Variants in AGBL4 observed in about 807,000 individuals in gnomAD.
AGBL4 encodes the protein cytosolic carboxypeptidase 6.
AGBL4 carries 58 observed loss-of-function variants against 66.4 expected under a neutral mutation model. The ratio of observed to expected loss-of-function variants is 0.87; its 90% CI spans 0.71 to 1.09. AGBL4 has a LOEUF of 1.09. Among genes scored for constraint, AGBL4 ranks in the 50% least tolerant of loss-of-function variants. AGBL4 has a pLI of 0.00. For missense variants in AGBL4, 579 were observed against 631.0 expected, an observed-to-expected ratio of 0.92 and a Z score of 0.88; for synonymous variants, 234 against 222.9, an observed-to-expected ratio of 1.05 and a Z score of -0.44.
chr1:49,494,754 T>C (rs1376681703), intron 3 of AGBL4, among the ~76,000 whole-genome samples: 9 of 152,070 alleles, frequency 5.9e-5, no homozygotes, highest in Non-Finnish European at 1.2e-4. Flanking sequence ...TGTGTCTTTA[T>C]AGCAGCATGA....
At chr1:48,902,996 T>C (rs1288080509) in intron 5 of AGBL4, among the ~76,000 whole-genome samples, 4 of 152,156 alleles carry the variant, frequency 2.6e-5, no homozygotes, top group Non-Finnish European at 5.9e-5. Flanking sequence ...AATGAATTGC[T>C]TGTAGCTTCT....
intron 3 of AGBL4, among the ~76,000 whole-genome samples, chr1:49,692,140 T>C (rs1646900372): frequency 6.6e-6 from 1 of 152,178 alleles, no homozygotes; most frequent in Non-Finnish European, 1.5e-5. Flanking sequence ...ACCATATTAG[T>C]AGTCTCTTTA....
At chr1:48,942,467 A>G (rs927258830) in intron 5 of AGBL4, among the ~76,000 whole-genome samples, 1 of 152,150 alleles carries the variant, frequency 6.6e-6, no homozygotes, top group Non-Finnish European at 1.5e-5. Context: ...ATAACAATGA[A>G]ACTATTAGAG....
At chr1:48,966,687 T>C (rs1243982642) in intron 5 of AGBL4, among the ~76,000 whole-genome samples, 1 of 152,138 alleles carries the variant, frequency 6.6e-6, no homozygotes, top group Non-Finnish European at 1.5e-5. Flanking sequence ...TATAATGGCA[T>C]TAATAAGTGA....
chr1:48,704,564 T>C (rs532648040), intron 6 of AGBL4, among the ~76,000 whole-genome samples: 1 of 152,136 alleles, frequency 6.6e-6, no homozygotes, highest in Non-Finnish European at 1.5e-5. Context: ...AATTGTTAAG[T>C]TTTTTTTACT....
At chr1:48,943,825 G>A (rs1253946075) in intron 5 of AGBL4, among the ~76,000 whole-genome samples, 11 of 152,130 alleles carry the variant, frequency 7.2e-5, no homozygotes, top group Admixed American at 1.3e-4. Flanking sequence ...GTTGATGGTG[G>A]CAGTGGTATG....
At chr1:48,541,852 T>G (rs12132856) in intron 11 of AGBL4, among the ~76,000 whole-genome samples, 1 of 152,176 alleles carries the variant, frequency 6.6e-6, no homozygotes, top group East Asian at 1.9e-4. Flanking sequence ...ATCTTTTTTT[T>G]TATATATACT....
intron 5 of AGBL4, among the ~76,000 whole-genome samples, chr1:48,949,686 C>A (rs965330437): frequency 2.0e-5 from 3 of 152,178 alleles, no homozygotes; most frequent in African/African-American, 7.2e-5. Flanking sequence ...CCCACTTCAA[C>A]CTTGGTGAGC....
intron 4 of AGBL4, among the ~76,000 whole-genome samples, chr1:49,151,268 CA>C (rs1206937422): frequency 1.7e-3 from 214 of 126,890 alleles, no homozygotes; most frequent in South Asian, 2.2e-3. Flanking sequence ...GACTCCGTCT[CA>C]AAAAAAAAAA....
intron 3 of AGBL4, among the ~76,000 whole-genome samples, chr1:49,624,761 CT>C (rs1259317658): frequency 5.9e-5 from 9 of 152,286 alleles, no homozygotes; most frequent in Admixed American, 1.3e-4. Flanking sequence ...TCTTTGATGA[CT>C]TCATGAAGGG....
At chr1:48,975,445 G>A (rs1207608033) in intron 5 of AGBL4, among the ~76,000 whole-genome samples, 1 of 152,100 alleles carries the variant, frequency 6.6e-6, no homozygotes. Context: ...CCTATGGCAA[G>A]CTCCAGTAGG....
At chr1:49,661,434 C>T (rs565437708) in intron 3 of AGBL4, among the ~76,000 whole-genome samples, 1 of 151,978 alleles carries the variant, frequency 6.6e-6, no homozygotes, top group Non-Finnish European at 1.5e-5. Flanking sequence ...AGTGAGATCT[C>T]ACTTTGTGTG....
chr1:48,659,806 T>C (rs939659856), intron 7 of AGBL4, among the ~76,000 whole-genome samples: 9 of 152,236 alleles, frequency 5.9e-5, no homozygotes, highest in African/African-American at 1.9e-4. Flanking sequence ...TGTGCTCCAT[T>C]AGTGCTAGCT....
chr1:48,892,518 A>G (rs1302082287), intron 5 of AGBL4, among the ~76,000 whole-genome samples: 1 of 152,198 alleles, frequency 6.6e-6, no homozygotes, highest in African/African-American at 2.4e-5. Flanking sequence ...ATAAACATCA[A>G]TCAACATATG....
intron 4 of AGBL4, among the ~76,000 whole-genome samples, chr1:49,172,424 C>T (rs1345610039): frequency 6.6e-6 from 1 of 152,102 alleles, no homozygotes; most frequent in African/African-American, 2.4e-5. Context: ...GCAAGGAAAG[C>T]TTCCCTGAGA....
intron 6 of AGBL4, among the ~76,000 whole-genome samples, chr1:48,738,816 C>T (rs768537975): frequency 1.2e-4 from 18 of 151,978 alleles, no homozygotes; most frequent in Middle Eastern, 3.2e-3. Flanking sequence ...TTTTTGAGTA[C>T]CTGGTTCACG....
chr1:49,684,800 G>A (rs1646757441), intron 3 of AGBL4, among the ~76,000 whole-genome samples: 2 of 152,164 alleles, frequency 1.3e-5, no homozygotes, highest in South Asian at 4.1e-4. Context: ...ATTTAAGGCA[G>A]CTTTAAGGAC....
chr1:48,763,479 T>G (rs1430652305), intron 6 of AGBL4, among the ~76,000 whole-genome samples: 1 of 152,126 alleles, frequency 6.6e-6, no homozygotes. Flanking sequence ...TTTGTGTGTG[T>G]GTATGTGTGT....
chr1:49,374,680 C>A (rs760592199), intron 3 of AGBL4, among the ~76,000 whole-genome samples: 57 of 152,076 alleles, frequency 3.7e-4, no homozygotes, highest in Non-Finnish European at 1.5e-4. Context: ...TCATTTACAT[C>A]TTAATATCCC....
Sources: gnomAD v4.1 joint callset for allele counts (sites outside exome capture counted in the v4.1 genomes callset) on GRCh38, gnomAD v4.1.1 for gene constraint, MANE v1.5 for transcripts, NCBI Gene and HGNC (gene_info 2026-07-23, HGNC 2026-07-21) for gene names.